The following SPTAN1 variants were observed in gnomAD, a reference collection of about 807,000 sequenced individuals.
SPTAN1 encodes the protein spectrin alpha chain, non-erythrocytic 1.
In SPTAN1, 61 loss-of-function variants were observed where a neutral mutation model predicts 331.3. The observed-to-expected ratio is 0.18, with a 90% CI of 0.15 to 0.23. The LOEUF (loss-of-function observed/expected upper bound fraction) is 0.23, where lower values mean the gene tolerates loss of function less well. Ranked by LOEUF, SPTAN1 falls within the 10% of genes least tolerant of loss-of-function variation. SPTAN1 has a pLI of 1.00. For synonymous variants in SPTAN1, 1,153 were observed against 1,173.9 expected (o/e 0.98, Z 0.36); for missense variants, 2,043 against 3,147.9 (o/e 0.65, Z 8.40).
At chr9:128,619,975 C>A (rs1209108085) in intron 44 of SPTAN1, among the ~76,000 whole-genome samples, 1 of 152,210 alleles carries the variant, frequency 6.6e-6, no homozygotes, top group Non-Finnish European at 1.5e-5. Context: ...TGATTGTCAT[C>A]CAGCCTGGAC....
chr9:128,633,619 T>C lies in SPTAN1; in HGVS notation c.*285T>C, dbSNP rs1307476725. The C allele has an allele frequency of 3.2e-6, 4 of 1,245,226 alleles. No homozygotes were observed. Among genetic ancestry groups the C allele is most frequent in the Non-Finnish European group, 4.5e-6 (4 of 892,586 alleles). 77.1% of individuals were successfully genotyped at this position (1,245,226 alleles called of 1,614,324 possible). On this transcript the variant is annotated 3_prime_UTR_variant, in exon 57 of 57. Transcript: ENST00000372739. ...GTTCTCTCTCCCACCCTCCCCCAAA[T>C]CTGTTTTCATGTAAAAGACAAATAA...
Position 128,575,194 on chromosome 9 carries a change from A to G in SPTAN1, c.505-5A>G. 1 of 1,614,172 alleles carries G rather than the reference A, an allele frequency of 6.2e-7. No individual in the cohort carries two copies. Among genetic ancestry groups the G allele is most frequent in the Non-Finnish European group, 8.5e-7 (1 of 1,180,018 alleles). The stretch of plus-strand genomic sequence containing the variant: ...GACTCTGGCTCTCTTATGGTCCCTG[A>G]ATAGGAAGCAATTGTTACTTCTGAA... On this transcript the variant is annotated splice_polypyrimidine_tract_variant and splice_region_variant and intron_variant, in intron 4 of 56. Transcript: ENST00000372739.
chr9:128,604,032 G>C (rs1855506985), intron 28 of SPTAN1, among the ~76,000 whole-genome samples: 1 of 152,212 alleles, frequency 6.6e-6, no homozygotes, highest in African/African-American at 2.4e-5. Flanking sequence ...GTTGCTACCT[G>C]CCAGGCCCCA....
chr9:128,557,904 C>G, intron 1 of SPTAN1, among the ~76,000 whole-genome samples: 2 of 151,012 alleles, frequency 1.3e-5, no homozygotes, highest in African/African-American at 2.4e-5. Context: ...CCCAGGTTCA[C>G]GCCATTCTCC....
At chr9:128,624,553 T>C (rs1858444646) in intron 46 of SPTAN1, 66 bp downstream of exon 46, 6 of 1,580,714 alleles carry the variant, frequency 3.8e-6, no homozygotes, top group South Asian at 2.3e-5. Flanking sequence ...TTCCGTGTCA[T>C]TGGTTTTCTT....
intron 48 of SPTAN1, 73 bp from the exon 49 acceptor site, chr9:128,626,318 C>T: frequency 1.3e-6 from 2 of 1,576,798 alleles, no homozygotes; most frequent in Non-Finnish European, 1.7e-6. Context: ...AACCACCCCG[C>T]ACCCCACCTC....
Position 128,617,835 on chromosome 9 carries a change from C to T in SPTAN1, c.5478+75C>T, listed in dbSNP as rs1857364841. The T allele has an allele frequency of 8.1e-6, 13 of 1,611,964 alleles. No individual in the cohort carries two copies. In the South Asian group the frequency reaches 1.3e-4, roughly 16 times the overall value. The stretch of plus-strand genomic sequence containing the variant: ...CCAGGGGACAGACAAACCCCTTGCG[C>T]TTATTTCACTGAGGTCCCTAAAGTG... On this transcript the variant is annotated intron_variant, in intron 42 of 56. Coordinates refer to ENST00000372739, the MANE Select transcript of SPTAN1 (RefSeq NM_001130438.3).
intron 3 of SPTAN1, among the ~76,000 whole-genome samples, 195 bp from the exon 4 acceptor site, chr9:128,574,480 A>G (rs560603134): frequency 8.5e-4 from 129 of 152,162 alleles, no homozygotes; most frequent in African/African-American, 3.1e-3. Flanking sequence ...AAGACCACCA[A>G]AAAACCACTG....
intron 9 of SPTAN1, 36 bp downstream of exon 9, chr9:128,578,281 T>A: frequency 6.2e-7 from 1 of 1,612,254 alleles, no homozygotes; most frequent in Non-Finnish European, 8.5e-7. Flanking sequence ...GAAGTGAAGA[T>A]TTTAGCTTAT....
intron 32 of SPTAN1, 46 bp downstream of exon 32, chr9:128,607,749 A>G: frequency 6.2e-7 from 1 of 1,611,364 alleles, no homozygotes; most frequent in Non-Finnish European, 8.5e-7. Context: ...GCTGCTCTGC[A>G]GGGCCCTAGA....
intron 20 of SPTAN1, among the ~76,000 whole-genome samples, chr9:128,588,270 A>T (rs1852936793): frequency 6.7e-6 from 1 of 148,772 alleles, no homozygotes; most frequent in African/African-American, 2.5e-5. Context: ...TGCTGGGATT[A>T]TAGGTATGAG....
At position 128,611,716 on chromosome 9, in the gene SPTAN1, CAAGCACCAG is replaced by C. The variant is rs776244007; in HGVS notation, c.4786_4794del (p.Lys1596_Gln1598del). 1 of 1,614,026 alleles carries C rather than the reference CAAGCACCAG, an allele frequency of 6.2e-7. No homozygotes were observed. The highest frequency in any genetic ancestry group is 8.5e-7 in the Non-Finnish European group (1 of 1,180,026). ...AAAAATTTTTTTGGTATTTTTAGAG[CAAGCACCAG>C]AAGCACCAGGCTTTTGAAGCAGAGC... On this transcript the variant is annotated inframe_deletion, in exon 38 of 57. Coordinates refer to ENST00000372739, the MANE Select transcript of SPTAN1 (RefSeq NM_001130438.3).
intron 51 of SPTAN1, chr9:128,628,237 A>C (rs758597056): frequency 8.8e-6 from 5 of 567,246 alleles, no homozygotes; most frequent in Non-Finnish European, 1.7e-5. Context: ...CCAGAGCTGG[A>C]GTCCAGAGGC....
At chr9:128,615,514 T>A (rs1014123929) in intron 40 of SPTAN1, 118 bp from the exon 41 acceptor site, 27 of 1,002,376 alleles carry the variant, frequency 2.7e-5, no homozygotes, top group Middle Eastern at 3.0e-4. Context: ...GAGGTCCACA[T>A]AACAGACTTT....
chr9:128,621,484 A>G (rs969155629), intron 45 of SPTAN1, among the ~76,000 whole-genome samples: 5 of 152,214 alleles, frequency 3.3e-5, no homozygotes, highest in Non-Finnish European at 7.3e-5. Context: ...TAAGCAACAG[A>G]GACACTGGCA....
rs550419366 is a variant in SPTAN1 at position 128,564,361 on chromosome 9, A to T, written c.-3-2377A>T. ...TTGAACCCGGGATGCAGAGGTTTCA[A>T]TGAGCCAAGATCATGCCACTGCACT... On this transcript the variant is annotated intron_variant, in intron 1 of 56. Coordinates refer to ENST00000372739, the MANE Select transcript of SPTAN1 (RefSeq NM_001130438.3). Among the ~76,000 whole-genome samples, 3 of 151,764 alleles carry T rather than the reference A, an allele frequency of 2.0e-5. No individual in the cohort carries two copies. In the South Asian group the frequency reaches 6.3e-4, roughly 32 times the overall value.
Position 128,577,019 on chromosome 9 carries a change from G to A in SPTAN1, c.785+63G>A, listed in dbSNP as rs1239997511. 4 of 1,613,378 alleles carry A rather than the reference G, an allele frequency of 2.5e-6. No homozygotes were observed. In the East Asian group the frequency reaches 8.9e-5, roughly 36 times the overall value. The stretch of plus-strand genomic sequence containing the variant: ...ACCTGGAGGGGAGTTGTGAAGCACA[G>A]GGCATGTGCTGGTGAGCTGTCGAGG... On this transcript the variant is annotated intron_variant, in intron 6 of 56. Coordinates refer to ENST00000372739, the MANE Select transcript of SPTAN1 (RefSeq NM_001130438.3). The surrounding 1 kb of genome is among the most constrained non-coding windows in gnomAD (Gnocchi z 4.2).
chr9:128,589,414 G>A (rs1317066443), intron 21 of SPTAN1, among the ~76,000 whole-genome samples: 11 of 148,782 alleles, frequency 7.4e-5, no homozygotes, highest in Non-Finnish European at 1.6e-4. Context: ...TCAGCCTCCC[G>A]AGTAGCTGGG....
At chr9:128,613,247 A>G (rs996857637) in intron 39 of SPTAN1, 134 bp from the exon 40 acceptor site, 1 of 754,404 alleles carries the variant, frequency 1.3e-6, no homozygotes, top group Admixed American at 2.0e-5. Flanking sequence ...TAGGAATCAC[A>G]GTAACACATT....
Sources: gnomAD v4.1 joint callset for allele counts (sites outside exome capture counted in the v4.1 genomes callset) on GRCh38, gnomAD v4.1.1 for gene constraint, Gnocchi (gnomAD v3.1) non-coding constraint, MANE v1.5 for transcripts, NCBI Gene and HGNC (gene_info 2026-07-23, HGNC 2026-07-21) for gene names.